Variants in BANK1 observed in about 807,000 individuals in gnomAD.
BANK1 encodes B cell scaffold protein with ankyrin repeats 1.
A neutral mutation model predicts 94.5 loss-of-function variants in BANK1; 95 were observed. That is an observed-to-expected ratio of 1.00 (90% CI 0.85 to 1.19). BANK1 has a LOEUF of 1.19. Ranked by LOEUF, BANK1 falls within the 50% of genes most tolerant of loss-of-function variation. The pLI is 0.00. For synonymous variants in BANK1, 334 were observed against 308.4 expected, an observed-to-expected ratio of 1.08 and a Z score of -0.87; for missense variants, 987 against 932.2, an observed-to-expected ratio of 1.06 and a Z score of -0.77.
At chr4:101,919,733 G>C (rs139292503) in intron 7 of BANK1, among the ~76,000 whole-genome samples, 1 of 152,042 alleles carries the variant, frequency 6.6e-6, no homozygotes, top group African/African-American at 2.4e-5. Flanking sequence ...TACAGTAAAT[G>C]TTACCATTAT....
chr4:101,799,691 G>A (rs899234321), intron 1 of BANK1, among the ~76,000 whole-genome samples: 12 of 152,056 alleles, frequency 7.9e-5, no homozygotes, highest in Non-Finnish European at 1.8e-4. Flanking sequence ...TGGCTAACAC[G>A]GTGAAACCCC....
intron 1 of BANK1, among the ~76,000 whole-genome samples, chr4:101,794,987 G>A (rs779349558): frequency 6.6e-6 from 1 of 151,766 alleles, no homozygotes; most frequent in Non-Finnish European, 1.5e-5. Flanking sequence ...TTTCACATGT[G>A]TTCTACATTA....
At chr4:101,882,717 T>C (rs919859199) in intron 5 of BANK1, among the ~76,000 whole-genome samples, 3 of 152,220 alleles carry the variant, frequency 2.0e-5, no homozygotes, top group African/African-American at 7.2e-5. Context: ...TGCTAGAATA[T>C]ATTATCACCA....
Position 102,074,637 on chromosome 4 carries a change from A to G in BANK1, c.*638A>G, listed in dbSNP as rs1728864905. The G allele has an allele frequency of 6.6e-6, 1 of 152,044 alleles. No individual in the cohort carries two copies. Among genetic ancestry groups the G allele is most frequent in the African/African-American group, 2.4e-5 (1 of 41,446 alleles). 9.4% of individuals were successfully genotyped at this position (152,044 alleles called of 1,614,324 possible). ...TTAAGACTTGCAATTTTATCAATCT[A>G]TTATTTCTTAGAAACAATTTACTAG... On this transcript the variant is annotated 3_prime_UTR_variant, in exon 17 of 17. Transcript: ENST00000322953.
At chr4:101,971,558 A>C (rs1036765244) in intron 7 of BANK1, among the ~76,000 whole-genome samples, 3 of 152,090 alleles carry the variant, frequency 2.0e-5, no homozygotes, top group African/African-American at 7.2e-5. Context: ...TTGGGGGTCA[A>C]ATCCAAAAAA....
At chr4:101,849,215 G>A (rs1421447326) in intron 2 of BANK1, among the ~76,000 whole-genome samples, 5 of 152,056 alleles carry the variant, frequency 3.3e-5, no homozygotes, top group Admixed American at 6.6e-5. Flanking sequence ...CTCTTAATCC[G>A]CTTCTTCCAA....
rs1727786595 is a variant in BANK1 at position 102,043,888 on chromosome 4, T to C, written c.1950T>C (p.Cys650=). The part of the protein sequence containing the change: ...ARRQSDDDKF[C]GLPKKQDRAR... ...GACAATCTGATGATGACAAGTTCTG[T>C]GGTCTTCCTAAGAAACAAGGTACTA... Residue 650 remains cysteine (C), a synonymous_variant, in exon 11 of 17, where the codon TGT becomes TGC. Coordinates refer to ENST00000322953, the MANE Select transcript of BANK1 (RefSeq NM_017935.5). 10 of 1,597,322 alleles carry C rather than the reference T, an allele frequency of 6.3e-6. No homozygotes were observed. The highest frequency in any genetic ancestry group is 8.6e-6 in the Non-Finnish European group (10 of 1,166,532).
At chr4:101,809,742 G>A (rs980984437) in intron 1 of BANK1, among the ~76,000 whole-genome samples, 7 of 152,148 alleles carry the variant, frequency 4.6e-5, no homozygotes, top group Admixed American at 4.6e-4. Context: ...TACAAATACT[G>A]TGTGAAGTGA....
At chr4:102,012,503 A>AATTT (rs1441180060) in intron 7 of BANK1, among the ~76,000 whole-genome samples, 27 of 152,320 alleles carry the variant, frequency 1.8e-4, no homozygotes, top group African/African-American at 6.3e-4. Flanking sequence ...GACTCTGTTT[A>AATTT]ATTTGTCAAA....
intron 1 of BANK1, among the ~76,000 whole-genome samples, chr4:101,807,206 T>C (rs2148852726): frequency 6.6e-6 from 1 of 152,360 alleles, no homozygotes; most frequent in East Asian, 1.9e-4. Flanking sequence ...ACCTGTCCTC[T>C]TGTACAAGAA....
chr4:102,018,299 G>T (rs1560689608), intron 7 of BANK1, among the ~76,000 whole-genome samples: 2 of 152,128 alleles, frequency 1.3e-5, no homozygotes, highest in African/African-American at 2.4e-5. Flanking sequence ...ACATATATTT[G>T]TCTTCATATT....
rs114426780 is a variant in BANK1 at position 101,851,713 on chromosome 4, T to A, written c.470-3322T>A. Among the ~76,000 whole-genome samples, 1,068 of 152,314 alleles carry A rather than the reference T, an allele frequency of 7.0e-3. 14 individuals are homozygous for A. The highest frequency in any genetic ancestry group is 0.024 in the African/African-American group (990 of 41,572). ...AAAATTGCTGGAGTTAGCCCTTCTC[T>A]TATCAGTTTTTCTTTCTCTGTTGTC... On this transcript the variant is annotated intron_variant, in intron 2 of 16. Coordinates refer to ENST00000322953, the MANE Select transcript of BANK1 (RefSeq NM_017935.5).
chr4:102,035,447 G>A (rs1380510525), intron 10 of BANK1, among the ~76,000 whole-genome samples: 1 of 152,050 alleles, frequency 6.6e-6, no homozygotes, highest in African/African-American at 2.4e-5. Context: ...AGGAGAGTGA[G>A]ACCATCCTGG....
At chr4:101,830,249 T>A (rs771320535) in intron 2 of BANK1, 43 bp downstream of exon 2, 38 of 1,423,982 alleles carry the variant, frequency 2.7e-5, no homozygotes, top group Non-Finnish European at 3.4e-5. Flanking sequence ...TATTTGTTTT[T>A]TTTTTTTTGT....
intron 1 of BANK1, among the ~76,000 whole-genome samples, chr4:101,803,613 A>G (rs1725429331): frequency 6.6e-6 from 1 of 152,218 alleles, no homozygotes; most frequent in Non-Finnish European, 1.5e-5. Context: ...GGGTCTACTT[A>G]TATGTGGATT....
intron 7 of BANK1, among the ~76,000 whole-genome samples, chr4:101,945,351 G>A (rs988018822): frequency 2.0e-5 from 3 of 151,812 alleles, no homozygotes; most frequent in Non-Finnish European, 4.4e-5. Flanking sequence ...TGGAGCATGA[G>A]GGGCAAACAT....
chr4:101,950,674 C>G (rs1187843075), intron 7 of BANK1, among the ~76,000 whole-genome samples: 1 of 152,188 alleles, frequency 6.6e-6, no homozygotes, highest in African/African-American at 2.4e-5. Context: ...TACATAATGA[C>G]TTCCTTTCAA....
chr4:101,799,301 G>C (rs1351678870), intron 1 of BANK1, among the ~76,000 whole-genome samples: 1 of 152,014 alleles, frequency 6.6e-6, no homozygotes, highest in African/African-American at 2.4e-5. Flanking sequence ...TGAGGGCTCT[G>C]TTCTGTTCCA....
chr4:102,002,368 A>AG (rs1726106184), intron 7 of BANK1, among the ~76,000 whole-genome samples: 2 of 152,152 alleles, frequency 1.3e-5, no homozygotes, highest in African/African-American at 4.8e-5. Context: ...TTTGTGGAAA[A>AG]AAAAAAAGAG....
Sources: allele counts gnomAD v4.1 joint callset (sites outside exome capture counted in the v4.1 genomes callset), GRCh38; gene constraint gnomAD v4.1.1; transcripts MANE v1.5; gene names NCBI Gene and HGNC (gene_info 2026-07-23, HGNC 2026-07-21).